The following CHN2 variants were observed in gnomAD, a reference collection of about 807,000 sequenced individuals.
The protein encoded by CHN2 is beta-chimaerin.
A neutral mutation model predicts 56.3 loss-of-function variants in CHN2; 35 were observed. The observed-to-expected ratio is 0.62, with a 90% CI of 0.47 to 0.82. The LOEUF is 0.82. Among genes scored for constraint, CHN2 ranks in the 40% least tolerant of loss-of-function variants. The probability of loss-of-function intolerance (pLI) is 0.00; values close to 1 mark genes in which losing one functional copy is unlikely to be tolerated. For synonymous variants in CHN2, 210 were observed against 212.8 expected, an observed-to-expected ratio of 0.99 and a Z score of 0.12; for missense variants, 491 against 580.5, an observed-to-expected ratio of 0.85 and a Z score of 1.58.
rs914338684 is a variant in CHN2 at position 29,238,842 on chromosome 7, G to T, written c.49+43852G>T. 2.0e-5 allele frequency among the ~76,000 whole-genome samples: 3 copies of T among 152,286 alleles called. No individual in the cohort carries two copies. The South Asian group carries it at 6.2e-4, about 32-fold the overall frequency. On this transcript the variant is annotated intron_variant, in intron 1 of 12. Transcript: ENST00000222792. ...AAGACCCTGAGGTGGGAACATGCCTGGAGTGTTCAAAGAACAGCAAGAGAG... is the reference window on the plus strand; with the variant it reads ...AAGACCCTGAGGTGGGAACATGCCTTGAGTGTTCAAAGAACAGCAAGAGAG...
At chr7:29,401,011 T>A (rs1387060807) in intron 6 of CHN2, 183 bp downstream of exon 6, 1 of 625,306 alleles carries the variant, frequency 1.6e-6, no homozygotes, top group African/African-American at 1.8e-5. Flanking sequence ...TGGTGGCTCA[T>A]GCCTGTAATC....
At chr7:29,212,068 T>G (rs1784999619) in intron 1 of CHN2, among the ~76,000 whole-genome samples, 1 of 152,148 alleles carries the variant, frequency 6.6e-6, no homozygotes, top group Non-Finnish European at 1.5e-5. Context: ...CTGTAAATAT[T>G]TCAGATGGTA....
chr7:29,322,756 A>G (rs1169968046), intron 1 of CHN2, among the ~76,000 whole-genome samples: 1 of 152,216 alleles, frequency 6.6e-6, no homozygotes, highest in East Asian at 1.9e-4. Flanking sequence ...GGGACGGCCT[A>G]GAGTTAGAGG....
chr7:29,404,305 A>T (rs940719813), intron 6 of CHN2, among the ~76,000 whole-genome samples: 1 of 152,196 alleles, frequency 6.6e-6, no homozygotes, highest in Admixed American at 6.5e-5. Context: ...TACGAATCCA[A>T]TGCATATGAC....
intron 1 of CHN2, among the ~76,000 whole-genome samples, chr7:29,284,385 A>G (rs1338577075): frequency 6.6e-6 from 1 of 152,176 alleles, no homozygotes; most frequent in Admixed American, 6.5e-5. Flanking sequence ...ATGAGCCACC[A>G]CATTTGGCCT....
intron 3 of CHN2, among the ~76,000 whole-genome samples, chr7:29,391,851 A>T (rs1305993844): frequency 6.6e-6 from 1 of 152,236 alleles, no homozygotes; most frequent in Non-Finnish European, 1.5e-5. Flanking sequence ...TCATTGGTTG[A>T]TGAACTGAAA....
intron 3 of CHN2, among the ~76,000 whole-genome samples, chr7:29,391,685 A>G (rs1585241278): frequency 6.6e-6 from 1 of 152,108 alleles, no homozygotes; most frequent in African/African-American, 2.4e-5. Context: ...TTGGGGGTCT[A>G]TGTTAGATTT....
Position 29,354,611 on chromosome 7 carries a change from T to G in CHN2, c.50-14T>G. The G allele has an allele frequency of 6.2e-7, 1 of 1,605,970 alleles. No individual in the cohort carries two copies. Among genetic ancestry groups the G allele is most frequent in the Non-Finnish European group, 8.5e-7 (1 of 1,178,088 alleles). ...CAGGCTGATGATGGATTTCTTTTTT[T>G]TTTTTCATTCTAGATGCTGAAGAAT... On this transcript the variant is annotated splice_polypyrimidine_tract_variant and intron_variant, in intron 1 of 12. Coordinates refer to ENST00000222792, the MANE Select transcript of CHN2 (RefSeq NM_004067.4).
intron 1 of CHN2, among the ~76,000 whole-genome samples, chr7:29,318,311 A>G (rs1795104146): frequency 6.6e-6 from 1 of 152,192 alleles, no homozygotes; most frequent in African/African-American, 2.4e-5. Context: ...TGGCCTACAT[A>G]TTGTCTCTAG....
At chr7:29,398,105 T>TTTCA (rs1801907857) in intron 4 of CHN2, 3 of 288,460 alleles carry the variant, frequency 1.0e-5, no homozygotes, top group Non-Finnish European at 1.9e-5. Context: ...TTGTTTCAAC[T>TTTCA]TTCATTTTCA....
rs965869578 is a variant in CHN2, at chr7:29,330,240, C to T, written c.50-24385C>T. 2.6e-5 allele frequency among the ~76,000 whole-genome samples: 4 copies of T among 152,262 alleles called. No homozygotes were observed. The East Asian group carries it at 5.8e-4, about 22-fold the overall frequency. The stretch of plus-strand genomic sequence containing the variant: ...TTTCCCAGTCTCTTTTGTAAAATAA[C>T]AGTGGCCTCATTCAACATAGTGGTT... On this transcript the variant is annotated intron_variant, in intron 1 of 12. Coordinates refer to ENST00000222792, the MANE Select transcript of CHN2 (RefSeq NM_004067.4).
chr7:29,378,105 A>G (rs1800214042), intron 3 of CHN2, among the ~76,000 whole-genome samples: 2 of 152,256 alleles, frequency 1.3e-5, no homozygotes, highest in African/African-American at 4.8e-5. Context: ...CTCAAAGACC[A>G]GGCTTAATGA....
intron 1 of CHN2, among the ~76,000 whole-genome samples, chr7:29,218,800 T>C (rs1282430070): frequency 8.0e-6 from 1 of 124,514 alleles, no homozygotes; most frequent in Non-Finnish European, 1.6e-5. Flanking sequence ...CCAGGGACTG[T>C]TGTGGGGTGG....
At chr7:29,183,015 T>C (rs1489145529) in intron 2 of CHN2, among the ~76,000 whole-genome samples, 1 of 152,050 alleles carries the variant, frequency 6.6e-6, no homozygotes, top group Admixed American at 6.5e-5. Context: ...CAGAGCACCA[T>C]TGCTGCCCTC....
At chr7:29,157,846 A>AT (rs56859820) in intron 2 of CHN2, among the ~76,000 whole-genome samples, 11,753 of 152,128 alleles carry the variant, frequency 0.077, 622 homozygotes, top group Non-Finnish European at 0.12. Context: ...TAAAAAAAAA[A>AT]TCCTTCTATG....
intron 1 of CHN2, among the ~76,000 whole-genome samples, chr7:29,245,588 T>A (rs1788012563): frequency 6.6e-6 from 1 of 152,202 alleles, no homozygotes; most frequent in Non-Finnish European, 1.5e-5. Context: ...CTAGAACAAC[T>A]CTGCAAGGTA....
intron 1 of CHN2, among the ~76,000 whole-genome samples, chr7:29,302,364 TG>T (rs1218219856): frequency 1.3e-5 from 2 of 152,024 alleles, no homozygotes; most frequent in Non-Finnish European, 1.5e-5. Context: ...AGTCTCACTG[TG>T]TTGCCCAGCC....
intron 1 of CHN2, chr7:29,212,632 T>C: frequency 7.1e-7 from 1 of 1,412,232 alleles, no homozygotes; most frequent in Non-Finnish European, 1.0e-6. Context: ...GTGTACTCAA[T>C]GATAGATTTC....
At chr7:29,320,816 T>C (rs371378607) in intron 1 of CHN2, among the ~76,000 whole-genome samples, 44 of 152,270 alleles carry the variant, frequency 2.9e-4, no homozygotes, top group African/African-American at 1.0e-3. Context: ...TTCTTTCCAG[T>C]CTTCTCACAT....
Sources: gnomAD v4.1 joint callset for allele counts (sites outside exome capture counted in the v4.1 genomes callset) on GRCh38, gnomAD v4.1.1 for gene constraint, MANE v1.5 for transcripts, NCBI Gene and HGNC (gene_info 2026-07-23, HGNC 2026-07-21) for gene names.